Variants in B3GALT5 observed in about 807,000 individuals in gnomAD.
B3GALT5 encodes the protein UDP-Gal:betaGlcNAc beta 1,3-galactosyltransferase, polypeptide 5.
For missense variants in B3GALT5, 328 were observed against 396.6 expected (o/e 0.83, Z 1.47); for synonymous variants, 156 against 158.6 (o/e 0.98, Z 0.12).
chr21:39,639,382 C>T (rs2079262428), intron 1 of B3GALT5, among the ~76,000 whole-genome samples: 6 of 129,724 alleles, frequency 4.6e-5, no homozygotes, highest in African/African-American at 1.5e-4. Flanking sequence ...TTCCTTCCTT[C>T]CTTCCTTCCT....
At chr21:39,645,782 A>G (rs1475700039) in intron 1 of B3GALT5, among the ~76,000 whole-genome samples, 1 of 152,196 alleles carries the variant, frequency 6.6e-6, no homozygotes, top group Admixed American at 6.5e-5. Context: ...AAGGGCAGGC[A>G]GTGGTCAAAA....
At chr21:39,631,963 C>A (rs765516010) in intron 1 of B3GALT5, among the ~76,000 whole-genome samples, 1 of 152,190 alleles carries the variant, frequency 6.6e-6, no homozygotes. Context: ...AGGTCTGACA[C>A]GAAAGGGTGT....
rs571188629 is a variant in B3GALT5 at position 39,635,621 on chromosome 21, G to A, written c.-391-10771G>A. 9.2e-5 allele frequency among the ~76,000 whole-genome samples: 14 copies of A among 152,216 alleles called. No homozygotes were observed. The East Asian group carries it at 2.7e-3, about 29-fold the overall frequency. ...AGCCTCCCAAGTAGCTGGGATTACA[G>A]GCCTGTGCCACCACACCCAGCTAAT... is the stretch of plus-strand genomic sequence containing the variant. On this transcript the variant is annotated intron_variant, in intron 1 of 3. Coordinates refer to ENST00000684187, the MANE Select transcript of B3GALT5 (RefSeq NM_001356336.2).
intron 1 of B3GALT5, among the ~76,000 whole-genome samples, chr21:39,615,518 G>A (rs73360120): frequency 0.011 from 1,744 of 152,322 alleles, 34 homozygotes; most frequent in South Asian, 0.037. Context: ...GCCAGAAGTC[G>A]TTTGGGACCA....
In B3GALT5 at chr21:39,670,648, C is replaced by T. The variant is rs1569227570; in HGVS notation, c.*9156C>T. The T allele has an allele frequency of 6.6e-6, 1 of 151,970 alleles. No individual in the cohort carries two copies. The highest frequency in any genetic ancestry group is 2.4e-5 in the African/African-American group (1 of 41,368). The allele number at this position is 151,970 out of a possible 1,614,324, so 9.4% of individuals were successfully genotyped here. A position where few individuals can be genotyped will look rare whatever the true frequency, so the allele number is the denominator to read the frequency against. ...AATAAAGTGAAACAGATCAACCAGC[C>T]TATTGAGTATCTACGTGTTTTTTTT... On this transcript the variant is annotated 3_prime_UTR_variant, in exon 4 of 4. Transcript: ENST00000684187.
Position 39,664,903 on chromosome 21 carries a change from C to G in B3GALT5, c.*3411C>G, listed in dbSNP as rs1234225752. The G allele has an allele frequency of 6.6e-6, 1 of 152,362 alleles. No individual in the cohort carries two copies. Among genetic ancestry groups the G allele is most frequent in the African/African-American group, 2.4e-5 (1 of 41,372 alleles). 9.4% of individuals were successfully genotyped at this position (152,362 alleles called of 1,614,324 possible). ...TCTGACAGTGTCGTGCTGGAGGATC[C>G]TGGGCTCTGCGTGGGGCCCCCTTTC... On this transcript the variant is annotated 3_prime_UTR_variant, in exon 4 of 4. Transcript: ENST00000684187.
intron 2 of B3GALT5, chr21:39,657,538 T>G (rs1034267855): frequency 5.1e-6 from 1 of 196,236 alleles, no homozygotes. Flanking sequence ...CTGAGGCTCT[T>G]GGTCTTGGAC....
At chr21:39,615,564 G>T (rs1036481054) in intron 1 of B3GALT5, among the ~76,000 whole-genome samples, 1 of 152,164 alleles carries the variant, frequency 6.6e-6, no homozygotes, top group African/African-American at 2.4e-5. Flanking sequence ...ATTCATTCAC[G>T]CATTGAATAA....
Position 39,671,484 on chromosome 21 carries a change from T to C in B3GALT5, c.*9992T>C, listed in dbSNP as rs2079628010. The C allele has an allele frequency of 1.3e-5, 2 of 152,130 alleles. No homozygotes were observed. The highest frequency in any genetic ancestry group is 4.8e-5 in the African/African-American group (2 of 41,404). The allele number at this position is 152,130 out of a possible 1,614,324, so 9.4% of individuals were successfully genotyped here. A position where few individuals can be genotyped will look rare whatever the true frequency, so the allele number is the denominator to read the frequency against. On this transcript the variant is annotated 3_prime_UTR_variant, in exon 4 of 4. Transcript: ENST00000684187. ...TTCTCAGGGGATCTCTCAAAGGTGG[T>C]ATTCAGGCACCCACAAGGCAACTCC...
chr21:39,641,128 G>A (rs1490807291), intron 1 of B3GALT5, among the ~76,000 whole-genome samples: 1 of 152,162 alleles, frequency 6.6e-6, no homozygotes, highest in Non-Finnish European at 1.5e-5. Flanking sequence ...TTTCAAGGTT[G>A]GAAGATGCCA....
At chr21:39,632,382 C>T (rs1428446902) in intron 1 of B3GALT5, among the ~76,000 whole-genome samples, 2 of 152,034 alleles carry the variant, frequency 1.3e-5, no homozygotes, top group Non-Finnish European at 2.9e-5. Context: ...GGCCGGAGTA[C>T]AGTGGGTTGA....
intron 1 of B3GALT5, among the ~76,000 whole-genome samples, chr21:39,639,397 T>TCC (rs1569212342): frequency 8.0e-5 from 7 of 87,254 alleles, no homozygotes; most frequent in African/African-American, 2.4e-4. Flanking sequence ...CTTCCTTCTT[T>TCC]CTTTTTCTTT....
At chr21:39,634,213 T>G (rs1217031493) in intron 1 of B3GALT5, among the ~76,000 whole-genome samples, 1 of 152,068 alleles carries the variant, frequency 6.6e-6, no homozygotes, top group Non-Finnish European at 1.5e-5. Flanking sequence ...TTTGAAAAAA[T>G]TACACTCAGT....
chr21:39,616,460 G>T (rs546410601), intron 1 of B3GALT5, among the ~76,000 whole-genome samples: 2 of 152,220 alleles, frequency 1.3e-5, no homozygotes, highest in East Asian at 3.9e-4. Context: ...TTAATCCACT[G>T]CTGGGAGTAT....
intron 1 of B3GALT5, among the ~76,000 whole-genome samples, chr21:39,621,255 A>G (rs1226873645): frequency 1.3e-5 from 2 of 152,220 alleles, no homozygotes; most frequent in African/African-American, 4.8e-5. Context: ...TTGGTGCTGA[A>G]TTTTATTGAT....
intron 1 of B3GALT5, among the ~76,000 whole-genome samples, chr21:39,635,663 A>G (rs1260549386): frequency 6.6e-6 from 1 of 152,034 alleles, no homozygotes; most frequent in Non-Finnish European, 1.5e-5. Flanking sequence ...TTTTTTTAGT[A>G]AAGACAGGGT....
chr21:39,619,477 G>A (rs182688483), intron 1 of B3GALT5, among the ~76,000 whole-genome samples: 9 of 152,066 alleles, frequency 5.9e-5, no homozygotes, highest in Admixed American at 5.9e-4. Flanking sequence ...CCATAGCATT[G>A]GTTTATAAAT....
rs533740892 is a variant in B3GALT5, at chr21:39,667,758, G to C, written c.*6266G>C. On this transcript the variant is annotated 3_prime_UTR_variant, in exon 4 of 4. Coordinates refer to ENST00000684187, the MANE Select transcript of B3GALT5 (RefSeq NM_001356336.2). ...AGCTGGGGAAAAGGGCCCATGGGAG[G>C]ATACTAACTGGGGAAGAGGAGACCT... The C allele has an allele frequency of 2.6e-5, 4 of 152,240 alleles. No homozygotes were observed. The highest frequency in any genetic ancestry group is 9.6e-5 in the African/African-American group (4 of 41,460). 9.4% of individuals were successfully genotyped at this position (152,240 alleles called of 1,614,324 possible). A position where few individuals can be genotyped will look rare whatever the true frequency, so the allele number is the denominator to read the frequency against.
intron 1 of B3GALT5, among the ~76,000 whole-genome samples, chr21:39,639,330 CTT>C (rs2079257914): frequency 8.5e-6 from 1 of 118,078 alleles, no homozygotes; most frequent in Non-Finnish European, 1.8e-5. Context: ...TTCTTTCTTT[CTT>C]TCTTTCTTTC....
Sources: allele counts gnomAD v4.1 joint callset (sites outside exome capture counted in the v4.1 genomes callset), GRCh38; gene constraint gnomAD v4.1.1; transcripts MANE v1.5; gene names NCBI Gene and HGNC (gene_info 2026-07-23, HGNC 2026-07-21).